Variants in SLC25A51 observed in about 807,000 individuals in gnomAD.
SLC25A51 encodes mitochondrial nicotinamide adenine dinucleotide transporter SLC25A51.
A neutral mutation model predicts 19.1 loss-of-function variants in SLC25A51; 11 were observed. The observed-to-expected ratio is 0.58, with a 90% CI of 0.36 to 0.96. The LOEUF is 0.96. SLC25A51 is among the 40% of genes least tolerant of loss of function. SLC25A51 has a pLI of 0.01. For synonymous variants in SLC25A51, 105 were observed against 133.6 expected, an observed-to-expected ratio of 0.79 and a Z score of 1.47; for missense variants, 201 against 365.4, an observed-to-expected ratio of 0.55 and a Z score of 3.67.
At chr9:37,886,285 G>A (rs1027636113), downstream of SLC25A51, 1 of 1,613,770 alleles carries the variant, frequency 6.2e-7, no homozygotes, top group African/African-American at 1.3e-5. Context: ...AGCTATACCA[G>A]CGGGCCAAGA....
At chr9:37,902,888 G>A (rs1831885379) in intron 1 of SLC25A51, among the ~76,000 whole-genome samples, 3 of 152,214 alleles carry the variant, frequency 2.0e-5, no homozygotes, top group Non-Finnish European at 4.4e-5. Flanking sequence ...AAACTGGGGA[G>A]AGGGTGACTC....
chr9:37,890,026 C>T (rs1400527779), intron 2 of SLC25A51, among the ~76,000 whole-genome samples: 1 of 151,650 alleles, frequency 6.6e-6, no homozygotes, highest in African/African-American at 2.4e-5. Context: ...AATATATACA[C>T]ACATATGTGT....
At chr9:37,882,232 G>A (rs1831363555) in intron 2 of SLC25A51, among the ~76,000 whole-genome samples, 1 of 152,224 alleles carries the variant, frequency 6.6e-6, no homozygotes, top group African/African-American at 2.4e-5. Flanking sequence ...GACCAAGTCT[G>A]AGTGCTTATC....
intron 2 of SLC25A51, among the ~76,000 whole-genome samples, chr9:37,893,043 T>A (rs1023004374): frequency 6.6e-6 from 1 of 151,714 alleles, no homozygotes; most frequent in African/African-American, 2.4e-5. Context: ...CCTGGCCCAA[T>A]TTTTGTATTT....
intron 2 of SLC25A51, among the ~76,000 whole-genome samples, chr9:37,899,314 C>T (rs1831791553): frequency 6.6e-6 from 1 of 152,200 alleles, no homozygotes; most frequent in Non-Finnish European, 1.5e-5. Flanking sequence ...TTTCATCATA[C>T]TGCTAACTTC....
chr9:37,892,851 T>A (rs1181528784), intron 2 of SLC25A51, among the ~76,000 whole-genome samples: 1 of 152,106 alleles, frequency 6.6e-6, no homozygotes, highest in Admixed American at 6.5e-5. Context: ...GCGATTTTAC[T>A]GCCTCAGCCT....
chr9:37,889,005 G>GTGT (rs1331857663), intron 2 of SLC25A51, among the ~76,000 whole-genome samples: 3 of 152,280 alleles, frequency 2.0e-5, no homozygotes, highest in African/African-American at 7.2e-5. Flanking sequence ...AACATGTAAT[G>GTGT]TGTTTATCAT....
intron 3 of SLC25A51, among the ~76,000 whole-genome samples, chr9:37,881,270 G>A (rs1399836239): frequency 1.3e-5 from 2 of 152,020 alleles, no homozygotes; most frequent in East Asian, 3.9e-4. Flanking sequence ...ATTGCATGAG[G>A]CTACTCTATT....
chr9:37,899,988 C>CTTTTTTTTTTTTTTTTTTTT (rs35821924), intron 1 of SLC25A51, 38 bp from the exon 2 acceptor site: 1 of 57,072 alleles, frequency 1.8e-5, no homozygotes, highest in Non-Finnish European at 3.1e-5. Flanking sequence ...TTTATATAGC[C>CTTTTTTTTTTTTTTTTTTTT]TTTTTTTTTT....
At chr9:37,884,286 CAAAT>C (rs1831404886), downstream of SLC25A51, among the ~76,000 whole-genome samples, 1 of 152,222 alleles carries the variant, frequency 6.6e-6, no homozygotes, top group Middle Eastern at 3.2e-3. Flanking sequence ...ATTCTTTTGA[CAAAT>C]AAGTTTTTGT....
In SLC25A51 at chr9:37,887,999, T is replaced by G; in HGVS notation, c.552A>C (p.Gly184=). The G allele has an allele frequency of 1.2e-6, 2 of 1,612,174 alleles. No individual in the cohort carries two copies. The highest frequency in any genetic ancestry group is 1.7e-5 in the Admixed American group (1 of 60,006). Residue 184 remains glycine (G), a synonymous_variant, in exon 3 of 3, where the codon GGA becomes GGC. Transcript: ENST00000242275. ...GGCCGAAAAACAAGACATTGCTGAGTCCATTCCGGAAAAGAATGGGCACCA... is the reference window on the plus strand; with the variant it reads ...GGCCGAAAAACAAGACATTGCTGAGGCCATTCCGGAAAAGAATGGGCACCA... ...RGLVPILFRN[G]LSNVLFFGLR...
Position 37,888,342 on chromosome 9 carries a change from A to C in SLC25A51, c.209T>G (p.Leu70Arg), listed in dbSNP as rs1441721315. The C allele has an allele frequency of 3.1e-6, 5 of 1,614,158 alleles. No homozygotes were observed. In the African/African-American group the frequency reaches 5.3e-5, roughly 17 times the overall value. ...TCGAAATCCATCCCTTCTCAACTGA[A>C]GTATTGCATCCCGGGTTTTGATGCC... is the stretch of plus-strand genomic sequence containing the variant. ...LYGIKTRDAI[L>R]QLRRDGFRNL... The change falls in exon 3 of 3, where the codon CTT becomes CGT. Residue 70 changes from leucine (L) to arginine (R), a missense_variant. Physicochemically the swap from Leu to Arg is moderately radical, Grantham distance 102. Coordinates refer to ENST00000242275, the MANE Select transcript of SLC25A51 (RefSeq NM_033412.4).
intron 2 of SLC25A51, among the ~76,000 whole-genome samples, chr9:37,892,740 A>T (rs944052265): frequency 2.8e-5 from 4 of 141,736 alleles, no homozygotes; most frequent in South Asian, 2.2e-4. Flanking sequence ...CACCTGGTTA[A>T]TTTTTTTTTT....
chr9:37,884,787 C>T (rs562805121), downstream of SLC25A51, among the ~76,000 whole-genome samples: 100 of 152,216 alleles, frequency 6.6e-4, no homozygotes, highest in African/African-American at 2.2e-3. Flanking sequence ...CAGGATGGAA[C>T]AACTATAACA....
At chr9:37,901,016 C>T (rs1831836650) in intron 1 of SLC25A51, among the ~76,000 whole-genome samples, 1 of 151,980 alleles carries the variant, frequency 6.6e-6, no homozygotes, top group African/African-American at 2.4e-5. Context: ...CAGGCCCGCA[C>T]CACCAAGCCC....
In SLC25A51 at chr9:37,899,988, C is replaced by CTTTTTTTTTTTTTT. The variant is rs35821924; in HGVS notation, c.-164-52_-164-39dup. On this transcript the variant is annotated intron_variant, in intron 1 of 2. Coordinates refer to ENST00000242275, the MANE Select transcript of SLC25A51 (RefSeq NM_033412.4). The stretch of plus-strand genomic sequence containing the variant: ...AAAATTCTGGTTTAATTTATATAGC[C>CTTTTTTTTTTTTTT]TTTTTTTTTTTTTTTTTTTTTTTTT... The CTTTTTTTTTTTTTT allele has an allele frequency of 5.1e-4, 29 of 57,086 alleles. 5 individuals carry two copies. The highest frequency in any genetic ancestry group is 1.2e-3 in the East Asian group (2 of 1,616). The allele number at this position is 57,086 out of a possible 1,614,324, so 3.5% of individuals were successfully genotyped here.
At chr9:37,878,517 C>A, downstream of SLC25A51, 1 of 190,184 alleles carries the variant, frequency 5.3e-6, no homozygotes, top group Non-Finnish European at 1.2e-5. Context: ...AATCATGACC[C>A]ACAGTGGTCT....
downstream of SLC25A51, among the ~76,000 whole-genome samples, chr9:37,884,848 C>G (rs1388228123): frequency 1.3e-5 from 2 of 152,168 alleles, no homozygotes; most frequent in Non-Finnish European, 2.9e-5. Flanking sequence ...AATTATAACA[C>G]AAGGACATTT....
intron 2 of SLC25A51, among the ~76,000 whole-genome samples, chr9:37,890,707 A>AAT (rs397745515): frequency 1.3e-5 from 2 of 151,964 alleles, no homozygotes; most frequent in African/African-American, 4.8e-5. Flanking sequence ...AAAAAAAAAA[A>AAT]GAACATACGA....
Sources: gnomAD v4.1 joint callset for allele counts (sites outside exome capture counted in the v4.1 genomes callset) on GRCh38, gnomAD v4.1.1 for gene constraint, MANE v1.5 for transcripts, NCBI Gene and HGNC (gene_info 2026-07-23, HGNC 2026-07-21) for gene names.